RP1L1: variants seen among roughly 807,000 people sequenced by gnomAD.
The protein encoded by RP1L1 is retinitis pigmentosa 1-like 1 protein.
Under a neutral mutation model 15.7 loss-of-function variants are expected in RP1L1, and 27 were observed. The observed-to-expected ratio is 1.72, with a 90% CI of 1.27 to 2.38. The LOEUF (loss-of-function observed/expected upper bound fraction) is 2.38. Ranked by LOEUF, RP1L1 falls within the 30% of genes most tolerant of loss-of-function variation. The probability of loss-of-function intolerance (pLI) is 0.00; values close to 1 mark genes in which losing one functional copy is unlikely to be tolerated. For missense variants in RP1L1, 4,798 were observed against 3,075.9 expected (o/e 1.56, Z -13.24); for synonymous variants, 1,813 against 1,276.7 (o/e 1.42, Z -8.96).
At position 10,607,821 on chromosome 8, in the gene RP1L1, C is replaced by T. The variant is rs748273758; in HGVS notation, c.6277G>A (p.Glu2093Lys). 14 of 1,593,302 alleles carry T rather than the reference C, an allele frequency of 8.8e-6. No homozygotes were observed. Among genetic ancestry groups the T allele is most frequent in the African/African-American group, 1.3e-5 (1 of 74,272 alleles). Residue 2093 changes from glutamate to lysine, a missense_variant, in exon 4 of 4, where the codon GAG becomes AAG. Coordinates refer to ENST00000382483, the MANE Select transcript of RP1L1 (RefSeq NM_178857.6). ...ACACCTTCTGATTCTGGCTGGGCCT[C>T]CCCTTCTGCCTCCTGGGCATCTACA... ...EDVDAQEAEG[E>K]AQPESEGVEA...
rs772171734 is a variant in RP1L1 at position 10,611,284 on chromosome 8, C to T, written c.2814G>A (p.Glu938=). The T allele has an allele frequency of 3.1e-6, 5 of 1,613,054 alleles. No individual in the cohort carries two copies. Among genetic ancestry groups the T allele is most frequent in the Non-Finnish European group, 4.2e-6 (5 of 1,180,022 alleles). The change falls in exon 4 of 4, where the codon GAG becomes GAA. Residue 938 remains glutamate (E), a synonymous_variant. Transcript: ENST00000382483. ...LRSGGGPQGQ[E]EASGVSPSSL... ...AGCTGGGTGACACACCACTGGCCTC[C>T]TCCTGCCCCTGGGGGCCTCCCCCAC...
chr8:10,653,860 G>T (rs1798599417), intron 1 of RP1L1, among the ~76,000 whole-genome samples: 1 of 152,208 alleles, frequency 6.6e-6, no homozygotes, highest in Admixed American at 6.5e-5. Flanking sequence ...CACTGTCTGA[G>T]ATGCATTTCT....
At chr8:10,620,582 G>T (rs1798042223) in intron 2 of RP1L1, among the ~76,000 whole-genome samples, 1 of 152,144 alleles carries the variant, frequency 6.6e-6, no homozygotes, top group South Asian at 2.1e-4. Context: ...CCCCAGCCTG[G>T]GTGACAAGAG....
chr8:10,606,925 G>T lies in RP1L1; in HGVS notation c.7173C>A (p.Asp2391Glu), dbSNP rs182633028. The T allele has an allele frequency of 6.2e-7, 1 of 1,614,114 alleles. No homozygotes were observed. Among genetic ancestry groups the T allele is most frequent in the East Asian group, 2.2e-5 (1 of 44,898 alleles). The change falls in exon 4 of 4, where the codon GAC (aspartate) becomes GAA (glutamate). Residue 2391 changes from aspartate to glutamate, a missense_variant. By Grantham distance (45) the Asp-to-Glu change is conservative. Transcript: ENST00000382483. ...AATCTAAGTCATCTTGGCCAAAGCC[G>T]TCTGCCCTGCCCACTGCCTCAGTGG... is the stretch of plus-strand genomic sequence containing the variant. ...LAPTEAVGRADGFGQDDLDF is the reference protein window; with the variant it reads ...LAPTEAVGRAEGFGQDDLDF
In RP1L1 at chr8:10,608,207, T is replaced by A. The variant is rs542070510; in HGVS notation, c.5891A>T (p.Gln1964Leu). ...TGGCTGGGCTTCCTCTTCTGCCTCC[T>A]GGGACTCTATAACTTCTGACTCTGG... ...TQPESEVIES[Q>L]EAEEEAQPES... The change falls in exon 4 of 4, where the codon CAG (glutamine) becomes CTG (leucine). Residue 1964 changes from glutamine to leucine, a missense_variant. Gln to Leu is a moderately radical substitution (Grantham distance 113, BLOSUM62 -2). Transcript: ENST00000382483. The A allele has an allele frequency of 1.3e-6, 2 of 1,577,196 alleles. No homozygotes were observed. Among genetic ancestry groups the A allele is most frequent in the East Asian group, 4.6e-5 (2 of 43,410 alleles).
intron 1 of RP1L1, among the ~76,000 whole-genome samples, chr8:10,644,319 C>A (rs186536274): frequency 2.0e-5 from 3 of 151,868 alleles, no homozygotes; most frequent in Admixed American, 2.0e-4. Flanking sequence ...CTAGACAAGG[C>A]AGTCTCTAGA....
chr8:10,620,674 A>G (rs1798043926), intron 2 of RP1L1, among the ~76,000 whole-genome samples: 1 of 152,178 alleles, frequency 6.6e-6, no homozygotes. Flanking sequence ...TTGGCCATAC[A>G]AGGCTTCTCA....
chr8:10,653,140 C>G (rs917195606), intron 1 of RP1L1, among the ~76,000 whole-genome samples: 5 of 152,156 alleles, frequency 3.3e-5, no homozygotes, highest in African/African-American at 1.2e-4. Context: ...ATATGACATA[C>G]TTATTCAATG....
At chr8:10,626,192 G>A (rs761587754) in intron 1 of RP1L1, among the ~76,000 whole-genome samples, 4 of 152,098 alleles carry the variant, frequency 2.6e-5, no homozygotes, top group East Asian at 3.9e-4. Context: ...GGCTGGCAGC[G>A]GGCGCAGGCA....
intron 1 of RP1L1, among the ~76,000 whole-genome samples, chr8:10,646,845 A>G (rs1798486343): frequency 6.6e-6 from 1 of 152,230 alleles, no homozygotes; most frequent in African/African-American, 2.4e-5. Flanking sequence ...CACAGTGAAG[A>G]TTAAACAAAG....
intron 1 of RP1L1, among the ~76,000 whole-genome samples, chr8:10,631,425 A>G (rs912554163): frequency 6.8e-6 from 1 of 146,006 alleles, no homozygotes; most frequent in Non-Finnish European, 1.6e-5. Flanking sequence ...GCACACACAC[A>G]TGCGCGCACA....
rs113172380 is a variant in RP1L1 at position 10,606,964 on chromosome 8, G to T, written c.7134C>A (p.Leu2378=). 4.5e-4 allele frequency: 733 copies of T among 1,614,232 alleles called. 4 individuals carry two copies. The African/African-American group carries it at 8.5e-3, about 19-fold the overall frequency. ...CTGCCTCAGTGGGGGCGAGACTTCC[G>T]AGTGCCTGGTCCTCTTGTAGGTCAT... ...EGYDLQEDQA[L]GSLAPTEAVG... is the part of the protein sequence containing the mutation. Residue 2378 remains leucine (L), a synonymous_variant, in exon 4 of 4, where the codon CTC becomes CTA. Transcript: ENST00000382483.
In RP1L1 at chr8:10,609,356, C is replaced by T; in HGVS notation, c.4742G>A (p.Gly1581Asp). 6.2e-7 allele frequency: 1 copy of T among 1,612,448 alleles called. No homozygotes were observed. The highest frequency in any genetic ancestry group is 8.5e-7 in the Non-Finnish European group (1 of 1,179,890). Reference protein sequence around the residue: ...STKRELQKLQGRAGRMVLEPP... With the variant: ...STKRELQKLQDRAGRMVLEPP... ...CTCCAGCACCATCCTACCCGCCCGG[C>T]CCTGGAGCTTCTGGAGCTCTCTCTT... The change falls in exon 4 of 4, where the codon GGC becomes GAC. Residue 1581 changes from glycine to aspartate, a missense_variant. Transcript: ENST00000382483.
chr8:10,618,853 T>A (rs375365354), intron 2 of RP1L1, among the ~76,000 whole-genome samples: 2 of 152,034 alleles, frequency 1.3e-5, no homozygotes, highest in African/African-American at 4.8e-5. Flanking sequence ...TTGGTTTTCG[T>A]GTTTTTTTGT....
rs1383948852 is a variant in RP1L1, at chr8:10,613,006, G to A, written c.1092C>T (p.Pro364=). The change falls in exon 4 of 4, where the codon CCC becomes CCT. Residue 364 remains proline (P), a synonymous_variant. Transcript: ENST00000382483. ...GGTAGCCCTCCCACACACAGCAGAG[G>A]GGGTCTACCTCCCCCAGAACGGGGT... ...GEDPVLGEVD[P]LCCVWEGYPW... The A allele has an allele frequency of 5.6e-6, 9 of 1,613,432 alleles. No individual in the cohort carries two copies. The highest frequency in any genetic ancestry group is 6.8e-6 in the Non-Finnish European group (8 of 1,179,984).
At position 10,613,043 on chromosome 8, in the gene RP1L1, G is replaced by A. The variant is rs1411601395; in HGVS notation, c.1055C>T (p.Ala352Val). The A allele has an allele frequency of 6.2e-7, 1 of 1,613,610 alleles. No homozygotes were observed. The highest frequency in any genetic ancestry group is 8.5e-7 in the Non-Finnish European group (1 of 1,180,016). ...CCCCAGAACGGGGTCTTCCCCACTGGCTGCCGTGAGGGCGCTGGCCCTGCC... is the reference window on the plus strand; with the variant it reads ...CCCCAGAACGGGGTCTTCCCCACTGACTGCCGTGAGGGCGCTGGCCCTGCC... Reference protein sequence around the residue: ...RMGRASALTAASGEDPVLGEV... With the variant: ...RMGRASALTAVSGEDPVLGEV... Residue 352 changes from alanine (A) to valine (V), a missense_variant, in exon 4 of 4, where the codon GCC becomes GTC. Transcript: ENST00000382483.
chr8:10,631,415 GCACACACACATGCGCGCACACA>G (rs1295342655), intron 1 of RP1L1, among the ~76,000 whole-genome samples: 1 of 143,014 alleles, frequency 7.0e-6, no homozygotes, highest in African/African-American at 2.6e-5. Context: ...ACGCACACAC[GCACACACACATGCGCGCACACA>G]CACGCACACA....
chr8:10,619,958 C>T (rs1453854939), intron 2 of RP1L1, among the ~76,000 whole-genome samples: 1 of 61,470 alleles, frequency 1.6e-5, no homozygotes, highest in East Asian at 4.0e-4. Context: ...GAGACTCCAT[C>T]TCAAAAAAAA....
At chr8:10,645,047 T>C (rs998193668) in intron 1 of RP1L1, among the ~76,000 whole-genome samples, 2 of 152,184 alleles carry the variant, frequency 1.3e-5, no homozygotes, top group Non-Finnish European at 2.9e-5. Context: ...TAATGTAGGA[T>C]TGGGCATGGT....
Sources: gnomAD v4.1 joint callset for allele counts (sites outside exome capture counted in the v4.1 genomes callset) on GRCh38, gnomAD v4.1.1 for gene constraint, MANE v1.5 for transcripts, NCBI Gene and HGNC (gene_info 2026-07-23, HGNC 2026-07-21) for gene names.